MMP26: variants seen among roughly 807,000 people sequenced by gnomAD.
MMP26 encodes matrix metallopeptidase 26.
A neutral mutation model predicts 31.0 loss-of-function variants in MMP26; 33 were observed. The ratio of observed to expected loss-of-function variants is 1.06; its 90% confidence interval spans 0.81 to 1.42. MMP26 has a LOEUF of 1.42. Ranked by LOEUF, MMP26 falls within the 40% of genes most tolerant of loss-of-function variation. MMP26 has a pLI of 0.00. For synonymous variants in MMP26, 122 were observed against 114.9 expected, an observed-to-expected ratio of 1.06 and a Z score of -0.40; for missense variants, 347 against 316.1, an observed-to-expected ratio of 1.10 and a Z score of -0.74.
At chr11:4,749,869 G>A (rs999487691) in intron 1 of MMP26, among the ~76,000 whole-genome samples, 1 of 152,102 alleles carries the variant, frequency 6.6e-6, no homozygotes, top group African/African-American at 2.4e-5. Flanking sequence ...CATTTGCCTT[G>A]GCAAGGAGTT....
intron 1 of MMP26, among the ~76,000 whole-genome samples, chr11:4,720,701 A>G (rs1432177287): frequency 1.3e-5 from 2 of 152,140 alleles, no homozygotes; most frequent in Non-Finnish European, 2.9e-5. Flanking sequence ...TCTGACCTAT[A>G]ATGAGAGGGA....
intron 2 of MMP26, among the ~76,000 whole-genome samples, chr11:4,800,015 T>A (rs568087596): frequency 6.6e-6 from 1 of 152,278 alleles, no homozygotes; most frequent in East Asian, 1.9e-4. Context: ...TGGAGTTGAG[T>A]ACCTGTGGCT....
chr11:4,968,682 G>A (rs1465246300), intron 2 of MMP26, among the ~76,000 whole-genome samples: 1 of 151,818 alleles, frequency 6.6e-6, no homozygotes, highest in Admixed American at 6.6e-5. Context: ...TTCTTATTAA[G>A]AGCAGACAAA....
At chr11:4,914,458 G>A (rs183819974) in intron 2 of MMP26, 3 of 410,932 alleles carry the variant, frequency 7.3e-6, no homozygotes, top group East Asian at 8.3e-5. Flanking sequence ...ATGAGGAGTA[G>A]CAAGTTCCTG....
At chr11:4,986,917 C>CTCTT (rs1286541538) in intron 2 of MMP26, among the ~76,000 whole-genome samples, 1 of 106,006 alleles carries the variant, frequency 9.4e-6, no homozygotes, top group African/African-American at 3.7e-5. Flanking sequence ...CTCTCTCTCT[C>CTCTT]TCTCTCTCTC....
At chr11:4,830,589 G>A (rs1849633301) in intron 2 of MMP26, among the ~76,000 whole-genome samples, 1 of 152,150 alleles carries the variant, frequency 6.6e-6, no homozygotes, top group African/African-American at 2.4e-5. Context: ...CATTTCGAGG[G>A]GATTCATTGA....
chr11:4,795,127 G>A (rs569930774), intron 2 of MMP26: 31 of 152,208 alleles, frequency 2.0e-4, no homozygotes, highest in Non-Finnish European at 4.0e-4. Flanking sequence ...ATCAAACTTA[G>A]AAGCATCAGA....
At chr11:4,762,979 C>T (rs574386401) in intron 1 of MMP26, among the ~76,000 whole-genome samples, 1 of 152,220 alleles carries the variant, frequency 6.6e-6, no homozygotes, top group South Asian at 2.1e-4. Flanking sequence ...GATTTAGTAT[C>T]TTCTTGGCAG....
intron 2 of MMP26, among the ~76,000 whole-genome samples, chr11:4,926,532 G>A (rs1851276361): frequency 1.3e-5 from 2 of 152,294 alleles, no homozygotes; most frequent in East Asian, 3.9e-4. Context: ...GCATAGTGAA[G>A]CTGGTTTGAT....
At chr11:4,816,307 G>C (rs895283587) in intron 2 of MMP26, among the ~76,000 whole-genome samples, 3 of 152,172 alleles carry the variant, frequency 2.0e-5, no homozygotes, top group African/African-American at 7.2e-5. Flanking sequence ...CCTGGAGAAT[G>C]TTTCATATGC....
intron 2 of MMP26, among the ~76,000 whole-genome samples, chr11:4,897,099 T>TACACATGTATAC (rs1850715096): frequency 6.6e-6 from 1 of 150,494 alleles, no homozygotes; most frequent in African/African-American, 2.4e-5. Context: ...AGTATATGTA[T>TACACATGTATAC]ACACACACAC....
At chr11:4,976,575 GC>G (rs1392365923) in intron 2 of MMP26, among the ~76,000 whole-genome samples, 2 of 151,894 alleles carry the variant, frequency 1.3e-5, no homozygotes, top group African/African-American at 4.8e-5. Context: ...CGGCTATTAG[GC>G]CCATGTATTG....
intron 2 of MMP26, among the ~76,000 whole-genome samples, chr11:4,904,183 C>T (rs186419126): frequency 6.6e-6 from 1 of 152,074 alleles, no homozygotes; most frequent in African/African-American, 2.4e-5. Flanking sequence ...TAGAGACTAT[C>T]AGACAGCCTA....
rs377476097 is a variant in MMP26 at position 4,907,767 on chromosome 11, G to A, written c.-144-80301G>A. ...GCCATTCACAATCCCTTAAGATACA[G>A]TTCTATCCTCACTAGCAACAGGGTT... On this transcript the variant is annotated intron_variant, in intron 2 of 7. Transcript: ENST00000380390. 3 of 1,613,896 alleles carry A rather than the reference G, an allele frequency of 1.9e-6. No individual in the cohort carries two copies. The African/African-American group carries it at 4.0e-5, about 22-fold the overall frequency.
intron 2 of MMP26, among the ~76,000 whole-genome samples, chr11:4,950,050 C>A (rs1406679942): frequency 8.1e-6 from 1 of 122,786 alleles, no homozygotes; most frequent in Admixed American, 9.1e-5. Flanking sequence ...GACAGTGACA[C>A]AATTCTATAA....
In MMP26 at chr11:4,991,949, T is replaced by TC. The variant is rs778232118; in HGVS notation, c.596-14dup. 20 of 1,569,216 alleles carry TC rather than the reference T, an allele frequency of 1.3e-5. No homozygotes were observed. The highest frequency in any genetic ancestry group is 1.6e-5 in the Non-Finnish European group (19 of 1,164,696). ...CATAGTTAATTTTATCTTTTTTTTT[T>TC]CTATAATTTTTCAGGATATAATCTG... is the stretch of plus-strand genomic sequence containing the variant. On this transcript the variant is annotated splice_polypyrimidine_tract_variant and intron_variant, in intron 6 of 7. Coordinates refer to ENST00000380390, the MANE Select transcript of MMP26 (RefSeq NM_021801.5).
chr11:4,899,744 T>A (rs1157564429), intron 2 of MMP26, among the ~76,000 whole-genome samples: 5 of 152,200 alleles, frequency 3.3e-5, no homozygotes, highest in African/African-American at 1.2e-4. Flanking sequence ...CAGCTTGTTT[T>A]TGAGCTTAGA....
At chr11:4,804,569 T>C (rs774316665) in intron 2 of MMP26, 11 of 770,702 alleles carry the variant, frequency 1.4e-5, no homozygotes, top group Non-Finnish European at 2.2e-5. Flanking sequence ...CATGACATGA[T>C]GTTACTGTTG....
chr11:4,946,106 T>G, intron 2 of MMP26: 1 of 1,510,578 alleles, frequency 6.6e-7, no homozygotes, highest in Non-Finnish European at 9.1e-7. Context: ...GTTTCTCAAA[T>G]TTACCTTAAA....
Sources: allele counts gnomAD v4.1 joint callset (sites outside exome capture counted in the v4.1 genomes callset), GRCh38; gene constraint gnomAD v4.1.1; transcripts MANE v1.5; gene names NCBI Gene and HGNC (gene_info 2026-07-23, HGNC 2026-07-21).